Variants in SCEL observed in about 807,000 individuals in gnomAD.
SCEL encodes the protein sciellin.
Under a neutral mutation model 117.6 loss-of-function variants are expected in SCEL, and 113 were observed. The observed-to-expected ratio is 0.96, with a 90% CI of 0.83 to 1.12. SCEL has a LOEUF of 1.12. Among genes scored for constraint, SCEL ranks in the 50% most tolerant of loss-of-function variants. The pLI is 0.00. For synonymous variants in SCEL, 270 were observed against 256.2 expected, an observed-to-expected ratio of 1.05 and a Z score of -0.51; for missense variants, 785 against 810.8, an observed-to-expected ratio of 0.97 and a Z score of 0.39.
chr13:77,588,254 C>T (rs566672337), intron 9 of SCEL, among the ~76,000 whole-genome samples: 3 of 152,214 alleles, frequency 2.0e-5, no homozygotes, highest in Admixed American at 1.3e-4. Context: ...CCCCAACAAT[C>T]CTATTAGAAA....
At position 77,613,884 on chromosome 13, in the gene SCEL, T is replaced by C. The variant is rs1240351841; in HGVS notation, c.1389-9T>C. The C allele has an allele frequency of 3.7e-6, 6 of 1,612,098 alleles. No individual in the cohort carries two copies. The highest frequency in any genetic ancestry group is 3.4e-6 in the Non-Finnish European group (4 of 1,178,828). On this transcript the variant is annotated splice_polypyrimidine_tract_variant and intron_variant, in intron 23 of 32. Coordinates refer to ENST00000349847, the MANE Select transcript of SCEL (RefSeq NM_144777.3). ...TGAAATTTGCCGATTTCCTCTAATT[T>C]TGTTTTAGCAGTGAACAAGGTCTTG...
chr13:77,613,768 A>T (rs1018832721), intron 23 of SCEL, 125 bp from the exon 24 acceptor site: 4 of 753,076 alleles, frequency 5.3e-6, no homozygotes, highest in Non-Finnish European at 6.9e-6. Context: ...ACTAATATAT[A>T]TAAATTGGAA....
At chr13:77,568,802 G>T (rs1294109745) in intron 7 of SCEL, among the ~76,000 whole-genome samples, 1 of 152,120 alleles carries the variant, frequency 6.6e-6, no homozygotes, top group Non-Finnish European at 1.5e-5. Context: ...ACTACTGATG[G>T]TTATAAGCAG....
chr13:77,551,052 G>A (rs1376654944), intron 1 of SCEL, among the ~76,000 whole-genome samples: 1 of 152,320 alleles, frequency 6.6e-6, no homozygotes, highest in South Asian at 2.1e-4. Context: ...CAGCAGCCTA[G>A]TCTTGCAGTG....
intron 1 of SCEL, among the ~76,000 whole-genome samples, chr13:77,550,034 A>G (rs1304450480): frequency 4.7e-5 from 7 of 148,804 alleles, no homozygotes; most frequent in African/African-American, 1.2e-4. Flanking sequence ...TAGTTGAGAT[A>G]TAATTTACAT....
intron 19 of SCEL, among the ~76,000 whole-genome samples, chr13:77,606,778 C>A (rs1018353621): frequency 6.6e-6 from 1 of 152,128 alleles, no homozygotes. Context: ...GTTGTATAGA[C>A]AAAACCTTGG....
intron 9 of SCEL, among the ~76,000 whole-genome samples, chr13:77,572,708 A>G (rs897518100): frequency 6.6e-6 from 1 of 152,178 alleles, no homozygotes; most frequent in African/African-American, 2.4e-5. Flanking sequence ...TCTGAGTCCA[A>G]ATTTCCCTTT....
At chr13:77,614,527 G>A (rs1749426569) in intron 24 of SCEL, among the ~76,000 whole-genome samples, 1 of 152,074 alleles carries the variant, frequency 6.6e-6, no homozygotes, top group African/African-American at 2.4e-5. Flanking sequence ...ATGGTTAAAT[G>A]AAGACAATAT....
rs567155913 is a variant in SCEL at position 77,555,902 on chromosome 13, G to A, written c.27G>A (p.Met9Ile). ...TGTCCAATGTTACCTTGAGAAAAAT[G>A]TCTCCCACAGGAAATGGTAATGTAC... MSNVTLRK[M>I]SPTGNEMKST... The change falls in exon 2 of 33, where the codon ATG becomes ATA. Residue 9 changes from methionine (M) to isoleucine (I), a missense_variant. Physicochemically the swap from Met to Ile is conservative, Grantham distance 10. Transcript: ENST00000349847. 2.5e-6 allele frequency: 4 copies of A among 1,613,458 alleles called. No homozygotes were observed. Among genetic ancestry groups the A allele is most frequent in the Non-Finnish European group, 3.4e-6 (4 of 1,179,574 alleles).
At chr13:77,632,855 T>C (rs533096968) in intron 28 of SCEL, among the ~76,000 whole-genome samples, 5 of 152,340 alleles carry the variant, frequency 3.3e-5, no homozygotes, top group South Asian at 2.1e-4. Flanking sequence ...AATATTGCCT[T>C]CCATTAAAAC....
intron 25 of SCEL, 27 bp downstream of exon 25, chr13:77,617,685 A>G (rs1360529074): frequency 2.6e-6 from 4 of 1,534,986 alleles, no homozygotes. Flanking sequence ...GTTTTAATGT[A>G]CTTGGGTCAG....
At chr13:77,571,408 G>A (rs1242060530) in intron 8 of SCEL, among the ~76,000 whole-genome samples, 1 of 148,370 alleles carries the variant, frequency 6.7e-6, no homozygotes, top group Non-Finnish European at 1.5e-5. Context: ...ATATTTTGAA[G>A]CTGGGCGCAG....
At chr13:77,583,881 A>G (rs549670879) in intron 9 of SCEL, among the ~76,000 whole-genome samples, 29 of 152,376 alleles carry the variant, frequency 1.9e-4, no homozygotes, top group Non-Finnish European at 2.5e-4. Flanking sequence ...TTGCAGCAGC[A>G]TATGGAAATG....
intron 1 of SCEL, among the ~76,000 whole-genome samples, chr13:77,546,410 T>C (rs2083990804): frequency 6.6e-6 from 1 of 152,156 alleles, no homozygotes; most frequent in Non-Finnish European, 1.5e-5. Context: ...ATTTAAGCTC[T>C]CTGAGGTTTG....
intron 22 of SCEL, among the ~76,000 whole-genome samples, chr13:77,610,504 T>C (rs533522440): frequency 6.7e-6 from 1 of 150,262 alleles, no homozygotes; most frequent in African/African-American, 2.5e-5. Flanking sequence ...AGACAACCAA[T>C]GATGGGACCC....
At chr13:77,639,908 A>G (rs1259292086) in intron 30 of SCEL, among the ~76,000 whole-genome samples, 1 of 152,146 alleles carries the variant, frequency 6.6e-6, no homozygotes, top group East Asian at 1.9e-4. Context: ...TAAAAAAGGA[A>G]AAGGATCCTT....
intron 3 of SCEL, among the ~76,000 whole-genome samples, chr13:77,559,390 G>A (rs915516258): frequency 2.0e-5 from 3 of 152,202 alleles, no homozygotes; most frequent in South Asian, 2.1e-4. Context: ...ATACCCAGAC[G>A]TAATGGGCTT....
rs375654330 is a variant in SCEL at position 77,543,240 on chromosome 13, C to T, written c.-20+7416C>T. On this transcript the variant is annotated intron_variant, in intron 1 of 32. Transcript: ENST00000349847. ...CTGGGACTACAGGCGCCCACCACCA[C>T]GCCCGGCTAATTTTTTGTATTTTTA... is the stretch of plus-strand genomic sequence containing the variant. Among the ~76,000 whole-genome samples, 376 of 151,720 alleles carry T rather than the reference C, an allele frequency of 2.5e-3. 4 individuals are homozygous for T. The highest frequency in any genetic ancestry group is 8.7e-3 in the African/African-American group (359 of 41,404).
At chr13:77,602,939 T>C (rs763843840) in intron 17 of SCEL, 137 bp from the exon 18 acceptor site, 44 of 647,496 alleles carry the variant, frequency 6.8e-5, no homozygotes, top group Non-Finnish European at 9.9e-5. Context: ...ATTGGCAATT[T>C]TTATACTTAA....
Sources: gnomAD v4.1 joint callset for allele counts (sites outside exome capture counted in the v4.1 genomes callset) on GRCh38, gnomAD v4.1.1 for gene constraint, MANE v1.5 for transcripts, NCBI Gene and HGNC (gene_info 2026-07-23, HGNC 2026-07-21) for gene names.